The following NEO1 variants were observed in gnomAD, a reference collection of about 807,000 sequenced individuals.
NEO1 encodes neogenin.
Under a neutral mutation model 159.7 loss-of-function variants are expected in NEO1, and 63 were observed. The ratio of observed to expected loss-of-function variants is 0.39; its 90% CI spans 0.32 to 0.49. The LOEUF (loss-of-function observed/expected upper bound fraction) is 0.49. NEO1 is among the 20% of genes least tolerant of loss of function. The probability of loss-of-function intolerance (pLI) is 0.85; values close to 1 mark genes in which losing one functional copy is unlikely to be tolerated. For missense variants in NEO1, 1,615 were observed against 1,831.0 expected, an observed-to-expected ratio of 0.88 and a Z score of 2.15; for synonymous variants, 633 against 662.0, an observed-to-expected ratio of 0.96 and a Z score of 0.67.
At chr15:73,258,180 A>G (rs1046070771) in intron 13 of NEO1, among the ~76,000 whole-genome samples, 2 of 152,244 alleles carry the variant, frequency 1.3e-5, no homozygotes, top group African/African-American at 4.8e-5. Flanking sequence ...AAAGTTGCAT[A>G]ACAGAAAGGT....
chr15:73,281,107 C>A (rs551592682), intron 22 of NEO1, among the ~76,000 whole-genome samples: 30 of 148,420 alleles, frequency 2.0e-4, no homozygotes, highest in Non-Finnish European at 3.7e-4. Flanking sequence ...ACTCGGGAGG[C>A]TAAGGCAGGA....
At chr15:73,129,898 T>G (rs755426067) in intron 4 of NEO1, among the ~76,000 whole-genome samples, 1 of 152,194 alleles carries the variant, frequency 6.6e-6, no homozygotes. Context: ...GGATGTTACA[T>G]GTGAAACAAA....
At chr15:73,108,759 G>A (rs1236653274) in intron 1 of NEO1, among the ~76,000 whole-genome samples, 6 of 152,190 alleles carry the variant, frequency 3.9e-5, no homozygotes, top group Admixed American at 2.6e-4. Flanking sequence ...CTCTGTAGAA[G>A]GGACAGTTTG....
chr15:73,126,715 C>A, intron 4 of NEO1, 145 bp downstream of exon 4: 3 of 619,412 alleles, frequency 4.8e-6, no homozygotes, highest in Non-Finnish European at 7.8e-6. Context: ...CAAATATGTT[C>A]ATATGATATA....
chr15:73,282,762 C>T (rs2041784382), intron 22 of NEO1, among the ~76,000 whole-genome samples: 1 of 152,190 alleles, frequency 6.6e-6, no homozygotes, highest in Admixed American at 6.5e-5. Context: ...CTGTCCTGAG[C>T]ACTGTTCATA....
chr15:73,133,946 A>T (rs1393369969), intron 4 of NEO1, among the ~76,000 whole-genome samples: 3 of 152,192 alleles, frequency 2.0e-5, no homozygotes, highest in African/African-American at 7.2e-5. Context: ...TTTTTAGTGT[A>T]ATTATTAGAT....
intron 16 of NEO1, among the ~76,000 whole-genome samples, chr15:73,266,619 G>A (rs1371088425): frequency 5.3e-5 from 8 of 151,992 alleles, no homozygotes; most frequent in Admixed American, 6.6e-5. Flanking sequence ...ATTCTGCCAC[G>A]TAAGCCATTC....
At chr15:73,146,417 G>A (rs1200480117) in intron 5 of NEO1, among the ~76,000 whole-genome samples, 1 of 152,148 alleles carries the variant, frequency 6.6e-6, no homozygotes, top group East Asian at 1.9e-4. Flanking sequence ...GAATATTTCA[G>A]AATTTCACTT....
chr15:73,214,927 C>T (rs2037790337), intron 7 of NEO1, among the ~76,000 whole-genome samples: 2 of 152,070 alleles, frequency 1.3e-5, no homozygotes, highest in African/African-American at 4.8e-5. Flanking sequence ...GATGCATTTC[C>T]ATTTGTTTGT....
intron 26 of NEO1, among the ~76,000 whole-genome samples, chr15:73,296,670 C>G (rs535518724): frequency 6.6e-6 from 1 of 152,250 alleles, no homozygotes; most frequent in East Asian, 1.9e-4. Flanking sequence ...AGACCCTCCC[C>G]CTCCCCCCGC....
intron 7 of NEO1, among the ~76,000 whole-genome samples, chr15:73,215,130 A>G (rs2037801043): frequency 6.6e-6 from 1 of 152,194 alleles, no homozygotes; most frequent in African/African-American, 2.4e-5. Context: ...TTAATCTTGT[A>G]TCCAGAAACT....
intron 1 of NEO1, among the ~76,000 whole-genome samples, chr15:73,065,494 G>A (rs1178274880): frequency 1.3e-5 from 2 of 152,120 alleles, no homozygotes; most frequent in African/African-American, 4.8e-5. Context: ...TAGGTAAACA[G>A]TGTGTTTTTT....
intron 5 of NEO1, among the ~76,000 whole-genome samples, chr15:73,157,230 A>G (rs2151865076): frequency 6.6e-6 from 1 of 152,244 alleles, no homozygotes; most frequent in East Asian, 1.9e-4. Flanking sequence ...TGCCCATACC[A>G]GTTTCTCAGT....
intron 26 of NEO1, among the ~76,000 whole-genome samples, chr15:73,297,780 C>T (rs2042434996): frequency 6.6e-6 from 1 of 152,208 alleles, no homozygotes; most frequent in Non-Finnish European, 1.5e-5. Flanking sequence ...TGTGTGCAGA[C>T]CTCTGGGCTG....
chr15:73,076,279 A>G (rs1022450020), intron 1 of NEO1, among the ~76,000 whole-genome samples: 7 of 152,178 alleles, frequency 4.6e-5, no homozygotes, highest in Non-Finnish European at 1.0e-4. Context: ...TTAGATACGC[A>G]GAGACTGTGA....
intron 7 of NEO1, among the ~76,000 whole-genome samples, chr15:73,188,155 A>G (rs1043658247): frequency 6.6e-6 from 1 of 152,094 alleles, no homozygotes; most frequent in Admixed American, 6.6e-5. Context: ...TCAATGTTAT[A>G]TCTGGTGGCT....
chr15:73,115,951 A>T (rs1002881399), intron 1 of NEO1, among the ~76,000 whole-genome samples: 2 of 152,242 alleles, frequency 1.3e-5, no homozygotes, highest in African/African-American at 4.8e-5. Context: ...AGACCTAAGT[A>T]TAACTATGTT....
intron 5 of NEO1, among the ~76,000 whole-genome samples, chr15:73,172,111 C>T (rs1469949797): frequency 2.6e-5 from 4 of 152,054 alleles, no homozygotes; most frequent in African/African-American, 9.7e-5. Context: ...TGGATTAAGG[C>T]ATAGATGAAT....
chr15:73,090,744 C>T (rs990855066), intron 1 of NEO1, among the ~76,000 whole-genome samples: 1 of 152,184 alleles, frequency 6.6e-6, no homozygotes, highest in Non-Finnish European at 1.5e-5. Context: ...AATCATTTTA[C>T]ATGTTACCTC....
Sources: allele counts gnomAD v4.1 joint callset (sites outside exome capture counted in the v4.1 genomes callset), GRCh38; gene constraint gnomAD v4.1.1; transcripts MANE v1.5; gene names NCBI Gene and HGNC (gene_info 2026-07-23, HGNC 2026-07-21).